CNTNAP5: variants seen among roughly 807,000 people sequenced by gnomAD.
CNTNAP5 encodes contactin associated protein family member 5.
CNTNAP5 carries 72 observed loss-of-function variants against 150.2 expected under a neutral mutation model. The observed-to-expected ratio is 0.48, with a 90% CI of 0.40 to 0.58. CNTNAP5 has a LOEUF of 0.58. Ranked by LOEUF, CNTNAP5 falls within the 20% of genes least tolerant of loss-of-function variation. The probability of loss-of-function intolerance (pLI) is 0.00; values close to 1 mark genes in which losing one functional copy is unlikely to be tolerated. For synonymous variants in CNTNAP5, 672 were observed against 619.8 expected, an observed-to-expected ratio of 1.08 and a Z score of -1.25; for missense variants, 1,636 against 1,626.2, an observed-to-expected ratio of 1.01 and a Z score of -0.10.
intron 3 of CNTNAP5, among the ~76,000 whole-genome samples, chr2:124,341,101 A>G (rs1189222310): frequency 6.6e-6 from 1 of 151,704 alleles, no homozygotes; most frequent in Admixed American, 6.6e-5. Context: ...AAGAATCCAT[A>G]AAAAGTCTGT....
intron 2 of CNTNAP5, among the ~76,000 whole-genome samples, chr2:124,227,640 ATGTGTGTGTGTGTGTG>A (rs200129722): frequency 7.0e-6 from 1 of 143,320 alleles, no homozygotes; most frequent in African/African-American, 2.7e-5. Flanking sequence ...CATCGTGTGT[ATGTGTGTGTGTGTGTG>A]TGTGTGTGTG....
At chr2:124,223,734 CTTA>C (rs369272514) in intron 2 of CNTNAP5, among the ~76,000 whole-genome samples, 8 of 151,826 alleles carry the variant, frequency 5.3e-5, no homozygotes, top group South Asian at 2.1e-4. Context: ...TTTGCTCCAA[CTTA>C]TTATAATTTT....
chr2:124,406,065 T>C (rs1187324481), intron 3 of CNTNAP5, among the ~76,000 whole-genome samples: 2 of 152,210 alleles, frequency 1.3e-5, no homozygotes, highest in Non-Finnish European at 2.9e-5. Flanking sequence ...TAATTTCTAA[T>C]TTCCGTTTAG....
At chr2:124,327,599 A>G (rs891284998) in intron 3 of CNTNAP5, among the ~76,000 whole-genome samples, 2 of 152,196 alleles carry the variant, frequency 1.3e-5, no homozygotes, top group Admixed American at 6.5e-5. Flanking sequence ...CTTCATCTGC[A>G]TAATAAAACC....
At chr2:124,104,782 C>A (rs1046596339) in intron 1 of CNTNAP5, among the ~76,000 whole-genome samples, 1 of 152,130 alleles carries the variant, frequency 6.6e-6, no homozygotes, top group African/African-American at 2.4e-5. Context: ...AGCACTAGTT[C>A]CACTCCATGA....
At chr2:124,913,807 A>G (rs1454707500) in intron 23 of CNTNAP5, among the ~76,000 whole-genome samples, 2 of 152,084 alleles carry the variant, frequency 1.3e-5, no homozygotes, top group African/African-American at 4.8e-5. Context: ...TGCTAGTCCA[A>G]TTCCATATGT....
intron 21 of CNTNAP5, 116 bp from the exon 22 acceptor site, chr2:124,902,766 C>A: frequency 1.5e-6 from 1 of 660,606 alleles, no homozygotes; most frequent in Non-Finnish European, 2.5e-6. Context: ...GTTTTCTTTA[C>A]TCAAACAATA....
intron 3 of CNTNAP5, among the ~76,000 whole-genome samples, chr2:124,284,714 C>T (rs1688103011): frequency 6.6e-6 from 1 of 152,098 alleles, no homozygotes; most frequent in Admixed American, 6.6e-5. Flanking sequence ...AGAGACTAAA[C>T]TCACAGCATT....
chr2:124,474,757 C>A lies in CNTNAP5; in HGVS notation c.937C>A (p.Pro313Thr), dbSNP rs1200791938. 1 of 1,584,684 alleles carries A rather than the reference C, an allele frequency of 6.3e-7. No homozygotes were observed. The highest frequency in any genetic ancestry group is 1.2e-5 in the South Asian group (1 of 85,808). ...CCAAAAGCTTAGTTTTGGAGGAATT[C>A]CAGTACCAGGAAAACCTGGGACCTT... Reference protein sequence around the residue: ...IDYELSFGGIPVPGKPGTFLK... With the variant: ...IDYELSFGGITVPGKPGTFLK... Residue 313 changes from proline (P) to threonine (T), a missense_variant, in exon 7 of 24, where the codon CCA becomes ACA. By Grantham distance (38) the Pro-to-Thr change is conservative. Coordinates refer to ENST00000682447, the MANE Select transcript of CNTNAP5 (RefSeq NM_001367498.1).
chr2:124,109,168 A>G (rs182052701), intron 1 of CNTNAP5, among the ~76,000 whole-genome samples: 59 of 152,180 alleles, frequency 3.9e-4, no homozygotes, highest in East Asian at 2.7e-3. Flanking sequence ...GAAATAATTA[A>G]TTTTGTATTT....
At chr2:124,448,455 G>A (rs1692883593) in intron 6 of CNTNAP5, among the ~76,000 whole-genome samples, 1 of 152,080 alleles carries the variant, frequency 6.6e-6, no homozygotes, top group Non-Finnish European at 1.5e-5. Context: ...GATACTGTAG[G>A]TTGGGCTGCT....
At chr2:124,515,707 G>C (rs1694697397) in intron 8 of CNTNAP5, among the ~76,000 whole-genome samples, 1 of 152,208 alleles carries the variant, frequency 6.6e-6, no homozygotes, top group South Asian at 2.1e-4. Flanking sequence ...GGTAAGGGTA[G>C]CGTATAGGTG....
chr2:124,083,821 T>C (rs768121110), intron 1 of CNTNAP5, among the ~76,000 whole-genome samples: 1 of 152,046 alleles, frequency 6.6e-6, no homozygotes, highest in Non-Finnish European at 1.5e-5. Flanking sequence ...TCAAAAATTG[T>C]TTCAGCTATT....
chr2:124,873,241 A>G (rs915976611), intron 21 of CNTNAP5, among the ~76,000 whole-genome samples: 3 of 152,034 alleles, frequency 2.0e-5, no homozygotes, highest in Non-Finnish European at 2.9e-5. Flanking sequence ...AAACAATTAT[A>G]TCTCACCAAC....
At chr2:124,557,755 A>C (rs72970721) in intron 10 of CNTNAP5, among the ~76,000 whole-genome samples, 7,529 of 152,232 alleles carry the variant, frequency 0.049, 244 homozygotes, top group East Asian at 0.076. Context: ...ATTAAATAAC[A>C]TGATGGTGGC....
chr2:124,430,843 G>A (rs1407099941), intron 4 of CNTNAP5, among the ~76,000 whole-genome samples: 1 of 152,174 alleles, frequency 6.6e-6, no homozygotes, highest in Non-Finnish European at 1.5e-5. Context: ...GTTCTTGATA[G>A]CATCTTTATG....
chr2:124,402,474 T>C (rs573134909), intron 3 of CNTNAP5, among the ~76,000 whole-genome samples: 8 of 152,322 alleles, frequency 5.3e-5, no homozygotes, highest in Admixed American at 5.2e-4. Context: ...AGCACAGCTC[T>C]GAGAGCCTAT....
intron 1 of CNTNAP5, among the ~76,000 whole-genome samples, chr2:124,084,920 T>G (rs1240316270): frequency 1.1e-5 from 1 of 89,502 alleles, no homozygotes; most frequent in Non-Finnish European, 2.2e-5. Context: ...AATTCAAGTT[T>G]CCTGTTTTTT....
At chr2:124,466,068 A>C (rs1189391324) in intron 6 of CNTNAP5, among the ~76,000 whole-genome samples, 4 of 152,108 alleles carry the variant, frequency 2.6e-5, no homozygotes, top group Non-Finnish European at 4.4e-5. Context: ...TCCATTTTTC[A>C]TGCTTCCACC....
Sources: gnomAD v4.1 joint callset for allele counts (sites outside exome capture counted in the v4.1 genomes callset) on GRCh38, gnomAD v4.1.1 for gene constraint, MANE v1.5 for transcripts, NCBI Gene and HGNC (gene_info 2026-07-23, HGNC 2026-07-21) for gene names.